Variants in PALM observed in about 807,000 individuals in gnomAD.
PALM encodes paralemmin, also known as paralemmin-1.
PALM carries 18 observed loss-of-function variants against 30.7 expected under a neutral mutation model. The ratio of observed to expected loss-of-function variants is 0.59; its 90% CI spans 0.41 to 0.87. PALM has a LOEUF of 0.87. PALM is among the 40% of genes least tolerant of loss of function. The pLI is 0.00. For missense variants in PALM, 529 were observed against 555.4 expected (o/e 0.95, Z 0.48); for synonymous variants, 286 against 242.8 (o/e 1.18, Z -1.66).
At chr19:731,927 T>C (rs2144895635) in intron 5 of PALM, among the ~76,000 whole-genome samples, 1 of 152,202 alleles carries the variant, frequency 6.6e-6, no homozygotes, top group African/African-American at 2.4e-5. Context: ...CCTCCCAAAT[T>C]GCTGGGATTA....
intron 3 of PALM, 111 bp from the exon 4 acceptor site, chr19:727,453 A>G (rs2032723123): frequency 1.2e-6 from 1 of 828,934 alleles, no homozygotes; most frequent in Non-Finnish European, 2.0e-6. Context: ...CCTGACCCCA[A>G]CCTTGGTCCT....
At chr19:738,248 C>T (rs2033080307) in intron 7 of PALM, among the ~76,000 whole-genome samples, 1 of 152,084 alleles carries the variant, frequency 6.6e-6, no homozygotes, top group Non-Finnish European at 1.5e-5. Context: ...AAAAATTAGC[C>T]AGGCGTGGTG....
intron 1 of PALM, among the ~76,000 whole-genome samples, chr19:723,503 C>G (rs2032562719): frequency 6.6e-6 from 1 of 152,136 alleles, no homozygotes; most frequent in Non-Finnish European, 1.5e-5. Context: ...GCTGCAACAG[C>G]CTTGGAAGCC....
chr19:726,567 C>T (rs1057208949), intron 2 of PALM, among the ~76,000 whole-genome samples: 1 of 152,166 alleles, frequency 6.6e-6, no homozygotes, highest in Non-Finnish European at 1.5e-5. Context: ...CTCTGTGACC[C>T]GACCCTCCTG....
chr19:725,635 G>A (rs745524794), intron 1 of PALM, among the ~76,000 whole-genome samples: 158 of 152,292 alleles, frequency 1.0e-3, no homozygotes, highest in Non-Finnish European at 1.7e-3. Flanking sequence ...TTTGCTGTGC[G>A]TCCTTGGGAG....
rs2074355 is a variant in PALM at position 731,078 on chromosome 19, G to T, written c.270-17G>T. On this transcript the variant is annotated splice_polypyrimidine_tract_variant and intron_variant, in intron 4 of 8. Coordinates refer to ENST00000338448, the MANE Select transcript of PALM (RefSeq NM_002579.3). ...GGGGATGCAGGAGTCACCCTCACAGGCACACCCTCTCCCCAGGTTGGAGAA... is the reference window on the plus strand; with the variant it reads ...GGGGATGCAGGAGTCACCCTCACAGTCACACCCTCTCCCCAGGTTGGAGAA... 0.45 allele frequency: 689,412 copies of T among 1,526,582 alleles called. 158,180 individuals are homozygous for T. Among genetic ancestry groups the T allele is most frequent in the African/African-American group, 0.6 (43,401 of 72,288 alleles). 94.6% of individuals were successfully genotyped at this position (1,526,582 alleles called of 1,614,324 possible).
chr19:723,587 T>C (rs904614283), intron 1 of PALM, among the ~76,000 whole-genome samples: 4 of 151,966 alleles, frequency 2.6e-5, no homozygotes, highest in Admixed American at 1.3e-4. Flanking sequence ...TTTTTCTTTT[T>C]GTTGTTTTGT....
In PALM at chr19:719,158, G is replaced by A. The variant is rs377351693; in HGVS notation, c.6-6980G>A. On this transcript the variant is annotated intron_variant, in intron 1 of 8. Coordinates refer to ENST00000338448, the MANE Select transcript of PALM (RefSeq NM_002579.3). ...CCCCTCGTTCTGGCTGGAGCTGCCCGGGCGTGGGTTCTGGAAGGACGAGTG... is the reference window on the plus strand; with the variant it reads ...CCCCTCGTTCTGGCTGGAGCTGCCCAGGCGTGGGTTCTGGAAGGACGAGTG... The A allele has an allele frequency of 2.5e-5, 25 of 985,358 alleles. 1 individual carries two copies. The Admixed American group carries it at 3.1e-4, about 12-fold the overall frequency. 61.0% of individuals were successfully genotyped at this position (985,358 alleles called of 1,614,324 possible).
chr19:714,265 T>G (rs1306754546), intron 1 of PALM, among the ~76,000 whole-genome samples: 1 of 148,380 alleles, frequency 6.7e-6, no homozygotes, highest in Non-Finnish European at 1.5e-5. Context: ...GTCTTGAACT[T>G]CTGGCCTAAA....
At chr19:710,102 T>G (rs1419912153) in intron 1 of PALM, among the ~76,000 whole-genome samples, 1 of 152,046 alleles carries the variant, frequency 6.6e-6, no homozygotes, top group Non-Finnish European at 1.5e-5. Flanking sequence ...CCAGCTGCCC[T>G]GCTGAGGCCC....
chr19:720,111 C>T (rs1296444858), intron 1 of PALM, among the ~76,000 whole-genome samples: 1 of 151,820 alleles, frequency 6.6e-6, no homozygotes, highest in Non-Finnish European at 1.5e-5. Flanking sequence ...AATTCCCGAC[C>T]CCTCCCGCCC....
Position 709,087 on chromosome 19 carries a change from C to T in PALM, c.-60C>T, listed in dbSNP as rs1286128287. ...CGTCCCCCTCCCCTCCCCTCCCCCGCGCGCCACCCGCGCCCGCCCCCGCCC... is the reference window on the plus strand; with the variant it reads ...CGTCCCCCTCCCCTCCCCTCCCCCGTGCGCCACCCGCGCCCGCCCCCGCCC... On this transcript the variant is annotated 5_prime_UTR_variant, in exon 1 of 9. Coordinates refer to ENST00000338448, the MANE Select transcript of PALM (RefSeq NM_002579.3). The surrounding 1 kb of genome is among the most constrained non-coding windows in gnomAD (Gnocchi z 4.3). 5 of 266,070 alleles carry T rather than the reference C, an allele frequency of 1.9e-5. No individual in the cohort carries two copies. Among genetic ancestry groups the T allele is most frequent in the African/African-American group, 6.9e-5 (3 of 43,642 alleles). The allele number at this position is 266,070 out of a possible 1,614,324, so 16.5% of individuals were successfully genotyped here. A position where few individuals can be genotyped will look rare whatever the true frequency, so the allele number is the denominator to read the frequency against.
In PALM at chr19:727,076, G is replaced by C; in HGVS notation, c.126G>C (p.Leu42=). 6.5e-7 allele frequency: 1 copy of C among 1,547,270 alleles called. No individual in the cohort carries two copies. Among genetic ancestry groups the C allele is most frequent in the Non-Finnish European group, 8.7e-7 (1 of 1,144,508 alleles). The change falls in exon 3 of 9, where the codon CTG becomes CTC. Residue 42 remains leucine, a synonymous_variant. Transcript: ENST00000338448. The part of the protein sequence containing the change: ...RRQLEDERRQ[L]QHLKSKALRE... ...AGCTGGAGGACGAGCGGAGGCAGCT[G>C]CAGCACCTGAAGGTACGAGCGGGGC...
rs2031981278 is a variant in PALM, at chr19:709,065, C to T, written c.-82C>T. 1 of 217,530 alleles carries T rather than the reference C, an allele frequency of 4.6e-6. No individual in the cohort carries two copies. The highest frequency in any genetic ancestry group is 8.9e-6 in the Non-Finnish European group (1 of 112,864). The allele number at this position is 217,530 out of a possible 1,614,324, so 13.5% of individuals were successfully genotyped here. A position where few individuals can be genotyped will look rare whatever the true frequency, so the allele number is the denominator to read the frequency against. ...CGCCCCGGCCCCCGCCAGGCCGCGTCCCCCTCCCCTCCCCTCCCCCGCGCG... is the reference window on the plus strand; with the variant it reads ...CGCCCCGGCCCCCGCCAGGCCGCGTTCCCCTCCCCTCCCCTCCCCCGCGCG... On this transcript the variant is annotated 5_prime_UTR_variant, in exon 1 of 9. Coordinates refer to ENST00000338448, the MANE Select transcript of PALM (RefSeq NM_002579.3). This position sits in a 1 kb window ranked among gnomAD's most constrained non-coding sequence, Gnocchi z 4.3.
intron 1 of PALM, chr19:719,559 C>T: frequency 1.0e-6 from 1 of 985,524 alleles, no homozygotes; most frequent in Non-Finnish European, 1.2e-6. Context: ...TGCCCCGGGA[C>T]CCCCAGCACC....
chr19:745,421 C>T (rs1364648411), intron 8 of PALM, among the ~76,000 whole-genome samples: 3 of 152,040 alleles, frequency 2.0e-5, no homozygotes, highest in Non-Finnish European at 2.9e-5. Context: ...AGGCCAGGTG[C>T]GGTGGCTCAC....
intron 6 of PALM, chr19:734,781 G>A: frequency 6.3e-6 from 1 of 158,074 alleles, no homozygotes; most frequent in Non-Finnish European, 1.4e-5. Context: ...AGGTTGAGCT[G>A]TGATCGCACC....
At chr19:724,080 A>G (rs1033646038) in intron 1 of PALM, among the ~76,000 whole-genome samples, 2 of 151,820 alleles carry the variant, frequency 1.3e-5, no homozygotes, top group Non-Finnish European at 2.9e-5. Flanking sequence ...ACAGATGAGG[A>G]GAGGGGCTCT....
In PALM at chr19:746,625, G is replaced by A. The variant is rs376934419; in HGVS notation, c.975G>A (p.Thr325=). The change falls in exon 9 of 9, where the codon ACG becomes ACA. Residue 325 remains threonine, a synonymous_variant. Transcript: ENST00000338448. This position sits in a 1 kb window ranked among gnomAD's most constrained non-coding sequence, Gnocchi z 7.1. Reference sequence around the variant, plus strand: ...TGCTGGGCCTTCAAGATACCATCACGGCGGAGCTGGTGGTCATCGAAGACG... The same window carrying A: ...TGCTGGGCCTTCAAGATACCATCACAGCGGAGCTGGTGGTCATCGAAGACG... ...KKVLGLQDTI[T]AELVVIEDAA... 152 of 1,612,944 alleles carry A rather than the reference G, an allele frequency of 9.4e-5. No individual in the cohort carries two copies. The highest frequency in any genetic ancestry group is 1.2e-4 in the Non-Finnish European group (142 of 1,179,860).
Sources: gnomAD v4.1 joint callset for allele counts (sites outside exome capture counted in the v4.1 genomes callset) on GRCh38, gnomAD v4.1.1 for gene constraint, Gnocchi (gnomAD v3.1) non-coding constraint, MANE v1.5 for transcripts, NCBI Gene and HGNC (gene_info 2026-07-23, HGNC 2026-07-21) for gene names.